OTOGL: variants seen among roughly 807,000 people sequenced by gnomAD.
The protein encoded by OTOGL is otogelin-like protein.
In OTOGL, 285 loss-of-function variants were observed where a neutral mutation model predicts 318.5. The ratio of observed to expected loss-of-function variants is 0.89; its 90% CI spans 0.81 to 0.99. The LOEUF is 0.99. Ranked by LOEUF, OTOGL falls within the 50% of genes least tolerant of loss-of-function variation. The probability of loss-of-function intolerance (pLI) is 0.00; values close to 1 mark genes in which losing one functional copy is unlikely to be tolerated. For missense variants in OTOGL, 2,899 were observed against 2,845.6 expected (o/e 1.02, Z -0.43); for synonymous variants, 987 against 936.5 (o/e 1.05, Z -0.99).
chr12:80,138,423 C>T (rs919378555), intron 1 of OTOGL, among the ~76,000 whole-genome samples: 8 of 152,050 alleles, frequency 5.3e-5, no homozygotes, highest in Admixed American at 2.6e-4. Flanking sequence ...GTAAGTACAA[C>T]GTAACTATCA....
intron 26 of OTOGL, among the ~76,000 whole-genome samples, chr12:80,287,941 T>A (rs1271249379): frequency 6.6e-6 from 1 of 152,230 alleles, no homozygotes; most frequent in East Asian, 1.9e-4. Flanking sequence ...CCTGTCATCA[T>A]GATGCTAGCT....
At chr12:80,316,659 CA>C (rs1483650342) in intron 32 of OTOGL, among the ~76,000 whole-genome samples, 3 of 152,024 alleles carry the variant, frequency 2.0e-5, no homozygotes, top group African/African-American at 7.2e-5. Context: ...TTACTATGAT[CA>C]AAGTAATGGA....
intron 1 of OTOGL, among the ~76,000 whole-genome samples, chr12:80,125,249 G>C (rs1435636683): frequency 4.6e-5 from 7 of 152,102 alleles, no homozygotes; most frequent in South Asian, 4.1e-4. Context: ...TAGCATGAAG[G>C]GTTGTTGAAT....
At chr12:80,325,381 C>A (rs1167123098) in intron 35 of OTOGL, among the ~76,000 whole-genome samples, 1 of 152,202 alleles carries the variant, frequency 6.6e-6, no homozygotes, top group African/African-American at 2.4e-5. Flanking sequence ...AAAACAACAG[C>A]TAACACATTT....
chr12:80,133,025 C>G (rs534702601), intron 1 of OTOGL, among the ~76,000 whole-genome samples: 202 of 152,090 alleles, frequency 1.3e-3, no homozygotes, highest in African/African-American at 4.7e-3. Context: ...CTCTTTAATT[C>G]CATTAACTTA....
chr12:80,150,267 T>G (rs1212563403), intron 1 of OTOGL, among the ~76,000 whole-genome samples: 2 of 152,238 alleles, frequency 1.3e-5, no homozygotes, highest in African/African-American at 4.8e-5. Flanking sequence ...TTGTCCTCTA[T>G]GTGATATTCA....
chr12:80,250,073 C>G (rs1027686751), intron 11 of OTOGL, among the ~76,000 whole-genome samples: 6 of 152,048 alleles, frequency 3.9e-5, no homozygotes, highest in African/African-American at 1.5e-4. Context: ...CTGGCACTCC[C>G]TAGTGAGATG....
chr12:80,210,015 G>A (rs1431704552), intron 2 of OTOGL, among the ~76,000 whole-genome samples: 1 of 151,566 alleles, frequency 6.6e-6, no homozygotes, highest in Non-Finnish European at 1.5e-5. Flanking sequence ...TAACATCTGG[G>A]GCTAAAAATT....
In OTOGL at chr12:80,212,629, TG is replaced by T. The variant is rs200001577; in HGVS notation, c.168+634del. Among the ~76,000 whole-genome samples the T allele has an allele frequency of 9.4e-3, 1,437 of 152,262 alleles. 17 individuals carry two copies. The highest frequency in any genetic ancestry group is 0.033 in the African/African-American group (1,374 of 41,546). ...TTTAAAAATATTTCTCTATAAAAGA[TG>T]GATGGTAAAATACAGAATCCTAACT... On this transcript the variant is annotated intron_variant, in intron 4 of 58. Transcript: ENST00000547103.
At chr12:80,289,221 G>A (rs147021759) in intron 26 of OTOGL, among the ~76,000 whole-genome samples, 420 of 152,194 alleles carry the variant, frequency 2.8e-3, no homozygotes, top group African/African-American at 9.7e-3. Flanking sequence ...TGTTACCTGC[G>A]GAGGCTGCAG....
In OTOGL at chr12:80,320,672, T is replaced by C; in HGVS notation, c.4053T>C (p.Phe1351=). ...KASKYDDSEE[F]KHSSSFSIEE... ...CAAAATATGATGATTCTGAAGAATT[T>C]AAACATTCAAGTAGCTTCAGCATAG... is the stretch of plus-strand genomic sequence containing the variant. Residue 1351 remains phenylalanine, a synonymous_variant, in exon 34 of 59, where the codon TTT becomes TTC. Coordinates refer to ENST00000547103, the MANE Select transcript of OTOGL (RefSeq NM_001378609.3). The C allele has an allele frequency of 6.2e-7, 1 of 1,606,790 alleles. No individual in the cohort carries two copies. The highest frequency in any genetic ancestry group is 8.5e-7 in the Non-Finnish European group (1 of 1,176,298).
chr12:80,249,700 G>C (rs997874680), intron 11 of OTOGL, among the ~76,000 whole-genome samples: 11 of 152,182 alleles, frequency 7.2e-5, no homozygotes, highest in African/African-American at 2.4e-4. Context: ...CACCCAGTTC[G>C]AGCTTCCCGG....
intron 44 of OTOGL, among the ~76,000 whole-genome samples, chr12:80,346,837 TG>T (rs1416270514): frequency 6.6e-6 from 1 of 152,146 alleles, no homozygotes; most frequent in Non-Finnish European, 1.5e-5. Flanking sequence ...ACCAATTAGA[TG>T]TTAGTGCTAA....
chr12:80,161,937 GCTCTT>G (rs1873541407), intron 1 of OTOGL, among the ~76,000 whole-genome samples: 1 of 152,120 alleles, frequency 6.6e-6, no homozygotes, highest in Non-Finnish European at 1.5e-5. Flanking sequence ...CTTTGGTAAA[GCTCTT>G]CAAAACAAAA....
rs372725776 is a variant in OTOGL at position 80,377,173 on chromosome 12, A to G, written c.6832A>G (p.Arg2278Gly). The G allele has an allele frequency of 1.3e-5, 21 of 1,609,962 alleles. No individual in the cohort carries two copies. In the African/African-American group the frequency reaches 2.7e-4, roughly 20 times the overall value. ...GAAAGTGATCATTAAATCGGTCATA[A>G]GGAAACAGGACTGTATGAGCCAAAG... is the stretch of plus-strand genomic sequence containing the variant. ...CQKVIIKSVI[R>G]KQDCMSQSPI... is the part of the protein sequence containing the mutation. The change falls in exon 58 of 59, where the codon AGG (arginine) becomes GGG (glycine). Residue 2278 changes from arginine (R) to glycine (G), a missense_variant. Transcript: ENST00000547103.
In OTOGL at chr12:80,253,461, A is replaced by G. The variant is rs1881749235; in HGVS notation, c.1286-5A>G. The G allele has an allele frequency of 1.2e-6, 2 of 1,607,786 alleles. No homozygotes were observed. The highest frequency in any genetic ancestry group is 1.1e-5 in the South Asian group (1 of 90,912). On this transcript the variant is annotated splice_region_variant and splice_polypyrimidine_tract_variant and intron_variant, in intron 13 of 58. Transcript: ENST00000547103. ...AAATTTTGATGTGTATTTCTTCTCA[A>G]TTAGGCCTCGTAATGGACAATGGGA...
rs905018478 is a variant in OTOGL, at chr12:80,113,446, G to A, written c.-20+13841G>A. Among the ~76,000 whole-genome samples, 30 of 152,184 alleles carry A rather than the reference G, an allele frequency of 2.0e-4. 2 individuals carry two copies. The highest frequency in any genetic ancestry group is 3.4e-3 in the Middle Eastern group (1 of 294). Reference sequence around the variant, plus strand: ...AGCTGTGTTCCAGAGATTCTGGTACGTTGTGTCTTTTTTCTCATTGGTTTC... The same window carrying A: ...AGCTGTGTTCCAGAGATTCTGGTACATTGTGTCTTTTTTCTCATTGGTTTC... On this transcript the variant is annotated intron_variant, in intron 1 of 58. Coordinates refer to ENST00000547103, the MANE Select transcript of OTOGL (RefSeq NM_001378609.3).
At chr12:80,181,747 C>A (rs1263103349) in intron 1 of OTOGL, among the ~76,000 whole-genome samples, 4 of 152,074 alleles carry the variant, frequency 2.6e-5, no homozygotes, top group African/African-American at 4.8e-5. Context: ...GGTGACTACT[C>A]TTCCTTGCAT....
intron 1 of OTOGL, among the ~76,000 whole-genome samples, chr12:80,203,143 C>G (rs545268759): frequency 6.6e-6 from 1 of 152,206 alleles, no homozygotes; most frequent in Admixed American, 6.5e-5. Context: ...AATTTAATAG[C>G]TTAAAACAAT....
Sources: allele counts gnomAD v4.1 joint callset (sites outside exome capture counted in the v4.1 genomes callset), GRCh38; gene constraint gnomAD v4.1.1; transcripts MANE v1.5; gene names NCBI Gene and HGNC (gene_info 2026-07-23, HGNC 2026-07-21).